Variants in CCNI observed in about 807,000 individuals in gnomAD.
CCNI encodes the protein cyclin-I.
In CCNI, 14 loss-of-function variants were observed where a neutral mutation model predicts 34.1. The observed-to-expected ratio is 0.41, with a 90% CI of 0.27 to 0.64. The LOEUF (loss-of-function observed/expected upper bound fraction) is 0.64. CCNI is among the 30% of genes least tolerant of loss of function. The probability of loss-of-function intolerance (pLI) is 0.31; values close to 1 mark genes in which losing one functional copy is unlikely to be tolerated. For synonymous variants in CCNI, 154 were observed against 158.4 expected (o/e 0.97, Z 0.21); for missense variants, 385 against 440.5 (o/e 0.87, Z 1.13).
chr4:77,059,988 A>C (rs978113637), intron 2 of CCNI, among the ~76,000 whole-genome samples: 4 of 152,204 alleles, frequency 2.6e-5, no homozygotes, highest in Non-Finnish European at 5.9e-5. Context: ...AATCTGATGA[A>C]ACTGGGAAGG....
chr4:77,072,373 T>C (rs1031865425), intron 1 of CCNI, among the ~76,000 whole-genome samples: 1 of 149,876 alleles, frequency 6.7e-6, no homozygotes, highest in Non-Finnish European at 1.5e-5. Context: ...ATCCCAGAAC[T>C]TTGTGAGGCA....
rs777994116 is a variant in CCNI at position 77,056,337 on chromosome 4, G to C, written c.244-14C>G. On this transcript the variant is annotated splice_polypyrimidine_tract_variant and intron_variant, in intron 3 of 6. Transcript: ENST00000237654. ...TTTTGGATGAGCCTAAAATTTTGAAGAGGGAAAAAGCAACTTTAGTGATTT... is the reference window on the plus strand; with the variant it reads ...TTTTGGATGAGCCTAAAATTTTGAACAGGGAAAAAGCAACTTTAGTGATTT... The C allele has an allele frequency of 8.8e-6, 14 of 1,593,926 alleles. No individual in the cohort carries two copies. The South Asian group carries it at 1.4e-4, about 16-fold the overall frequency.
Position 77,048,563 on chromosome 4 carries a change from G to C in CCNI, c.790C>G (p.Pro264Ala). Residue 264 changes from proline (P) to alanine (A), a missense_variant, in exon 7 of 7, where the codon CCC (proline) becomes GCC (alanine). Physicochemically the swap from Pro to Ala is conservative, Grantham distance 27. Transcript: ENST00000237654. ...LPLNSVYVYR[P>A]LKHTLVTCDK... Reference sequence around the variant, plus strand: ...CAGGTCACCAGGGTGTGCTTGAGGGGACGGTAGACATAAACGGAATTCAGA... The same window carrying C: ...CAGGTCACCAGGGTGTGCTTGAGGGCACGGTAGACATAAACGGAATTCAGA... The C allele has an allele frequency of 6.2e-7, 1 of 1,613,102 alleles. No individual in the cohort carries two copies. Among genetic ancestry groups the C allele is most frequent in the Non-Finnish European group, 8.5e-7 (1 of 1,179,316 alleles).
intron 6 of CCNI, among the ~76,000 whole-genome samples, chr4:77,054,027 CT>C (rs1322674906): frequency 1.3e-5 from 2 of 152,038 alleles, no homozygotes; most frequent in Non-Finnish European, 2.9e-5. Context: ...GATCATCAAC[CT>C]TTTTATGAAA....
intron 1 of CCNI, among the ~76,000 whole-genome samples, chr4:77,072,638 TAA>T (rs61247567): frequency 0.024 from 2,404 of 101,304 alleles, 68 homozygotes; most frequent in African/African-American, 0.087. Flanking sequence ...CCCAATCTCT[TAA>T]AAAAAAAAAA....
At chr4:77,069,309 T>C (rs1729282463) in intron 1 of CCNI, among the ~76,000 whole-genome samples, 1 of 152,052 alleles carries the variant, frequency 6.6e-6, no homozygotes, top group African/African-American at 2.4e-5. Flanking sequence ...CCAAGCTACT[T>C]GGGAGGCTGA....
rs1267252545 is a variant in CCNI, at chr4:77,075,637, A to T, written c.-209T>A. ...CTGAGGAGGGAGAAAGGGGAAGCGG[A>T]TCGGGGGGCGCGGGCGCGGGCGCTG... On this transcript the variant is annotated 5_prime_UTR_variant, in exon 1 of 7. Transcript: ENST00000237654. 1 of 908,506 alleles carries T rather than the reference A, an allele frequency of 1.1e-6. No homozygotes were observed. Among genetic ancestry groups the T allele is most frequent in the Non-Finnish European group, 1.3e-6 (1 of 761,418 alleles). The allele number at this position is 908,506 out of a possible 1,614,324, so 56.3% of individuals were successfully genotyped here.
intron 3 of CCNI, among the ~76,000 whole-genome samples, chr4:77,057,714 C>A (rs1728334865): frequency 6.6e-6 from 1 of 152,132 alleles, no homozygotes; most frequent in Non-Finnish European, 1.5e-5. Flanking sequence ...TGTATGCTGT[C>A]ATTCAACAAA....
At chr4:77,065,374 T>C (rs1728955316) in intron 2 of CCNI, among the ~76,000 whole-genome samples, 1 of 152,220 alleles carries the variant, frequency 6.6e-6, no homozygotes. Context: ...AGACATCTTA[T>C]ACAATAAACT....
chr4:77,058,481 A>G, intron 3 of CCNI, 26 bp downstream of exon 3: 1 of 1,591,004 alleles, frequency 6.3e-7, no homozygotes, highest in Non-Finnish European at 8.6e-7. Context: ...ATGAGGTTAT[A>G]TGTAAGTCTA....
In CCNI at chr4:77,056,071, T is replaced by A. The variant is rs1728201033; in HGVS notation, c.350A>T (p.Asp117Val). 4 of 1,613,800 alleles carry A rather than the reference T, an allele frequency of 2.5e-6. No individual in the cohort carries two copies. In the East Asian group the frequency reaches 8.9e-5, roughly 36 times the overall value. The change falls in exon 5 of 7, where the codon GAC becomes GTC. Residue 117 changes from aspartate to valine, a missense_variant. This residue lies in a region of CCNI where 135 missense variants were observed against 191.8 expected (regional missense o/e 0.70). Coordinates refer to ENST00000237654, the MANE Select transcript of CCNI (RefSeq NM_006835.3). ...AGATGAGGAACATCCACAGAAACTG[T>A]CTCTTGCCAATACCTTTAGTACTGG... ...RIPVLKVLAR[D>V]SFCGCSSSEI...
At chr4:77,049,365 T>G (rs2110004864) in intron 6 of CCNI, among the ~76,000 whole-genome samples, 1 of 152,312 alleles carries the variant, frequency 6.6e-6, no homozygotes, top group East Asian at 1.9e-4. Flanking sequence ...CACGGTCATC[T>G]GTTTCTATAT....
intron 6 of CCNI, among the ~76,000 whole-genome samples, chr4:77,050,203 A>G (rs927535845): frequency 2.6e-5 from 4 of 152,148 alleles, no homozygotes; most frequent in African/African-American, 9.7e-5. Flanking sequence ...TCCTTCCAGG[A>G]CTGGCTAAAC....
chr4:77,048,704 A>C, intron 6 of CCNI, 42 bp from the exon 7 acceptor site: 1 of 1,437,968 alleles, frequency 7.0e-7, no homozygotes, highest in East Asian at 2.3e-5. Context: ...GTTGATCATT[A>C]ATTAACATAG....
chr4:77,070,004 C>G (rs938619234), intron 1 of CCNI, among the ~76,000 whole-genome samples: 2 of 150,504 alleles, frequency 1.3e-5, no homozygotes, highest in South Asian at 2.1e-4. Context: ...TAAATACAGT[C>G]TAAAATCATG....
At chr4:77,049,016 CT>C (rs1293749053) in intron 6 of CCNI, among the ~76,000 whole-genome samples, 1 of 133,490 alleles carries the variant, frequency 7.5e-6, no homozygotes, top group African/African-American at 2.9e-5. Context: ...CTGGAAGGCC[CT>C]TCATCCTACT....
At chr4:77,074,880 C>A (rs922844885) in intron 1 of CCNI, 3 of 152,170 alleles carry the variant, frequency 2.0e-5, no homozygotes, top group Admixed American at 6.5e-5. Context: ...AGCGGAGGCT[C>A]CTCTGTCCTC....
chr4:77,060,904 C>T (rs950521395), intron 2 of CCNI, among the ~76,000 whole-genome samples: 1 of 150,626 alleles, frequency 6.6e-6, no homozygotes, highest in African/African-American at 2.5e-5. Context: ...GGATTACAGA[C>T]GTGAGCCACT....
rs527791963 is a variant in CCNI at position 77,055,469 on chromosome 4, T to C, written c.460-89A>G. Reference sequence around the variant, plus strand: ...TGATGCAACCTATTCAATTTCTTTTTTTTTTTTTTTTGAGACAGAGTCTCA... The same window carrying C: ...TGATGCAACCTATTCAATTTCTTTTCTTTTTTTTTTTGAGACAGAGTCTCA... On this transcript the variant is annotated intron_variant, in intron 5 of 6. Transcript: ENST00000237654. 82 of 918,740 alleles carry C rather than the reference T, an allele frequency of 8.9e-5. No homozygotes were observed. The African/African-American group carries it at 1.0e-3, about 12-fold the overall frequency. 56.9% of individuals were successfully genotyped at this position (918,740 alleles called of 1,614,324 possible).
Sources: gnomAD v4.1 joint callset for allele counts (sites outside exome capture counted in the v4.1 genomes callset) on GRCh38, gnomAD v4.1.1 for gene constraint, gnomAD v4.1.1 regional missense constraint, MANE v1.5 for transcripts, NCBI Gene and HGNC (gene_info 2026-07-23, HGNC 2026-07-21) for gene names.